Variants in ROCK1 observed in about 807,000 individuals in gnomAD.
ROCK1 encodes rho-associated protein kinase 1.
In ROCK1, 36 loss-of-function variants were observed where a neutral mutation model predicts 196.8. The ratio of observed to expected loss-of-function variants is 0.18; its 90% CI spans 0.14 to 0.24. ROCK1 has a LOEUF of 0.24. Among genes scored for constraint, ROCK1 ranks in the 10% least tolerant of loss-of-function variants. ROCK1 has a pLI of 1.00. For missense variants in ROCK1, 920 were observed against 1,562.0 expected, an observed-to-expected ratio of 0.59 and a Z score of 6.93; for synonymous variants, 443 against 515.9, an observed-to-expected ratio of 0.86 and a Z score of 1.91.
rs374313162 is a variant in ROCK1 at position 20,965,463 on chromosome 18, T to C, written c.3352+1454A>G. Among the ~76,000 whole-genome samples, 13 of 152,078 alleles carry C rather than the reference T, an allele frequency of 8.5e-5. 1 individual carries two copies. The highest frequency in any genetic ancestry group is 5.2e-4 in the Admixed American group (8 of 15,274). On this transcript the variant is annotated intron_variant, in intron 27 of 32. Transcript: ENST00000399799. ...TACATATATACATAGAGTAAGAATG[T>C]ATACATACATACATACATAGAGTAA...
chr18:21,037,968 A>T (rs2036071666), intron 9 of ROCK1, among the ~76,000 whole-genome samples: 1 of 152,162 alleles, frequency 6.6e-6, no homozygotes, highest in Admixed American at 6.5e-5. Context: ...TTTGCGGTTG[A>T]TTTATTGTGT....
intron 2 of ROCK1, among the ~76,000 whole-genome samples, chr18:21,051,062 G>A (rs2036200007): frequency 6.6e-6 from 1 of 152,142 alleles, no homozygotes; most frequent in Non-Finnish European, 1.5e-5. Context: ...AAGCCTGCTG[G>A]GTGAGAGATA....
intron 10 of ROCK1, among the ~76,000 whole-genome samples, chr18:21,025,239 C>G (rs1388544928): frequency 6.6e-6 from 1 of 152,100 alleles, no homozygotes; most frequent in Non-Finnish European, 1.5e-5. Flanking sequence ...ACGGGAGTTA[C>G]TATATTAGGA....
At chr18:20,959,130 TTA>T (rs1196029781) in intron 29 of ROCK1, among the ~76,000 whole-genome samples, 631 of 50,416 alleles carry the variant, frequency 0.013, 47 homozygotes, top group African/African-American at 0.039. Context: ...AATATATATA[TTA>T]TATATATTAT....
Position 21,039,473 on chromosome 18 carries a change from G to C in ROCK1, c.1050C>G (p.Asp350Glu), listed in dbSNP as rs2143499087. 6.2e-7 allele frequency: 1 copy of C among 1,604,674 alleles called. No individual in the cohort carries two copies. The highest frequency in any genetic ancestry group is 8.5e-7 in the Non-Finnish European group (1 of 1,173,414). The change falls in exon 9 of 33, where the codon GAC becomes GAG. Residue 350 changes from aspartate to glutamate, a missense_variant and splice_region_variant. Transcript: ENST00000399799. The stretch of plus-strand genomic sequence containing the variant: ...TATGAAAGAAAAAAAAAAACTTACT[G>C]TCTCGGAGCGTTTCCCAAGCCCACT... ...NDQWAWETLR[D>E]TVAPVVPDLS...
At chr18:20,959,128 TATTA>T (rs1168175645) in intron 29 of ROCK1, among the ~76,000 whole-genome samples, 3 of 55,086 alleles carry the variant, frequency 5.4e-5, no homozygotes, top group Non-Finnish European at 8.4e-5. Flanking sequence ...ATAATATATA[TATTA>T]TATATATTAT....
At chr18:21,075,457 T>G (rs2036421453) in intron 1 of ROCK1, among the ~76,000 whole-genome samples, 1 of 152,210 alleles carries the variant, frequency 6.6e-6, no homozygotes, top group South Asian at 2.1e-4. Flanking sequence ...TGAGGTCCTT[T>G]GGGATATCAT....
chr18:21,107,869 C>A (rs993990476), intron 1 of ROCK1, among the ~76,000 whole-genome samples: 1 of 152,120 alleles, frequency 6.6e-6, no homozygotes, highest in Non-Finnish European at 1.5e-5. Context: ...GCCTGGCCAA[C>A]ATGGTGAAAC....
chr18:20,985,694 GTTT>G (rs2035572423), intron 19 of ROCK1, among the ~76,000 whole-genome samples: 1 of 152,038 alleles, frequency 6.6e-6, no homozygotes, highest in South Asian at 2.1e-4. Flanking sequence ...CAAAAATTAT[GTTT>G]TTTAAATGAC....
chr18:21,099,356 T>A (rs528370731), intron 1 of ROCK1, among the ~76,000 whole-genome samples: 14 of 151,762 alleles, frequency 9.2e-5, no homozygotes, highest in South Asian at 2.1e-4. Context: ...AAATGTCAAA[T>A]CAAAAAAAAG....
At chr18:20,963,496 T>A (rs2035345861) in intron 27 of ROCK1, among the ~76,000 whole-genome samples, 1 of 152,064 alleles carries the variant, frequency 6.6e-6, no homozygotes, top group South Asian at 2.1e-4. Context: ...TCAGAAACAT[T>A]CATATATTCA....
intron 12 of ROCK1, 56 bp downstream of exon 12, chr18:21,020,095 A>T: frequency 2.9e-6 from 3 of 1,028,514 alleles, no homozygotes; most frequent in Non-Finnish European, 2.9e-6. Context: ...TAAGCTTTCA[A>T]GTAAGTATTT....
chr18:21,081,892 T>C (rs1400240908), intron 1 of ROCK1, among the ~76,000 whole-genome samples: 1 of 152,000 alleles, frequency 6.6e-6, no homozygotes, highest in Non-Finnish European at 1.5e-5. Context: ...AGAAAGAAAA[T>C]CCCTGGGCCA....
chr18:21,019,508 T>G (rs535390255), intron 12 of ROCK1, among the ~76,000 whole-genome samples: 2 of 152,030 alleles, frequency 1.3e-5, no homozygotes, highest in African/African-American at 2.4e-5. Context: ...GAATACAGAC[T>G]GTTGGCCGGG....
chr18:21,072,352 G>A (rs1357186722), intron 1 of ROCK1, among the ~76,000 whole-genome samples: 1 of 152,098 alleles, frequency 6.6e-6, no homozygotes, highest in African/African-American at 2.4e-5. Flanking sequence ...AATAAAGTTG[G>A]CAAGAATGTA....
chr18:21,076,283 C>T (rs534710558), intron 1 of ROCK1, among the ~76,000 whole-genome samples: 1 of 152,236 alleles, frequency 6.6e-6, no homozygotes, highest in South Asian at 2.1e-4. Flanking sequence ...GCAGGAGGAT[C>T]ACTTGAGGTC....
intron 1 of ROCK1, among the ~76,000 whole-genome samples, chr18:21,073,838 T>C (rs1301836195): frequency 9.9e-5 from 15 of 152,114 alleles, no homozygotes; most frequent in Admixed American, 7.2e-4. Flanking sequence ...TTTTGGTATA[T>C]GTAGTAGAAT....
chr18:21,071,362 G>C (rs2036384194), intron 1 of ROCK1, among the ~76,000 whole-genome samples: 1 of 151,616 alleles, frequency 6.6e-6, no homozygotes, highest in Non-Finnish European at 1.5e-5. Flanking sequence ...TCTTTTTATA[G>C]ACAGAGTTTC....
intron 20 of ROCK1, 34 bp from the exon 21 acceptor site, chr18:20,982,866 C>G: frequency 1.0e-6 from 1 of 1,003,770 alleles, no homozygotes; most frequent in Non-Finnish European, 1.5e-6. Flanking sequence ...TGAACAAACG[C>G]TCCTACTTAT....
Sources: gnomAD v4.1 joint callset for allele counts (sites outside exome capture counted in the v4.1 genomes callset) on GRCh38, gnomAD v4.1.1 for gene constraint, MANE v1.5 for transcripts, NCBI Gene and HGNC (gene_info 2026-07-23, HGNC 2026-07-21) for gene names.